The following ITGBL1 variants were observed in gnomAD, a reference collection of about 807,000 sequenced individuals.
The protein encoded by ITGBL1 is integrin beta-like protein 1.
Under a neutral mutation model 68.5 loss-of-function variants are expected in ITGBL1, and 51 were observed. The ratio of observed to expected loss-of-function variants is 0.74; its 90% confidence interval spans 0.59 to 0.94. ITGBL1 has a LOEUF of 0.94. Ranked by LOEUF, ITGBL1 falls within the 40% of genes least tolerant of loss-of-function variation. The probability of loss-of-function intolerance (pLI) is 0.00; values close to 1 mark genes in which losing one functional copy is unlikely to be tolerated. For synonymous variants in ITGBL1, 209 were observed against 227.3 expected, an observed-to-expected ratio of 0.92 and a Z score of 0.72; for missense variants, 649 against 647.4, an observed-to-expected ratio of 1.00 and a Z score of -0.03.
At chr13:101,673,440 A>G (rs1044375036) in intron 7 of ITGBL1, among the ~76,000 whole-genome samples, 1 of 152,192 alleles carries the variant, frequency 6.6e-6, no homozygotes, top group Non-Finnish European at 1.5e-5. Context: ...TAGATTCTCT[A>G]TTGGTTAAAT....
chr13:101,717,932 T>A (rs1397512175), downstream of ITGBL1: 2 of 152,158 alleles, frequency 1.3e-5, no homozygotes, highest in Non-Finnish European at 2.9e-5. Flanking sequence ...GCTGCTCTTT[T>A]TCATAGTCTC....
chr13:101,549,630 A>T (rs1566727448), intron 2 of ITGBL1, among the ~76,000 whole-genome samples: 2 of 152,042 alleles, frequency 1.3e-5, no homozygotes, highest in African/African-American at 4.8e-5. Flanking sequence ...TTCTAAGAAA[A>T]TTTTTTAAAA....
intron 6 of ITGBL1, among the ~76,000 whole-genome samples, chr13:101,586,783 A>G (rs1024870298): frequency 6.6e-6 from 1 of 152,210 alleles, no homozygotes; most frequent in African/African-American, 2.4e-5. Context: ...AATCTGGAGC[A>G]GACATCAACC....
chr13:101,575,443 G>T lies in ITGBL1; in HGVS notation c.483G>T (p.Arg161Ser). The stretch of plus-strand genomic sequence containing the variant: ...GTTTAGGTACATGTCACTGTGGCAG[G>T]TGTAAGTGTGATAATTCAGATGGAA... ...CSNAGTCHCG[R>S]CKCDNSDGSG... The change falls in exon 4 of 11, where the codon AGG becomes AGT. Residue 161 changes from arginine to serine, a missense_variant. Arg to Ser is a moderately radical substitution (Grantham distance 110). Transcript: ENST00000376180. 6.2e-7 allele frequency: 1 copy of T among 1,613,108 alleles called. No homozygotes were observed. The highest frequency in any genetic ancestry group is 8.5e-7 in the Non-Finnish European group (1 of 1,179,270).
intron 6 of ITGBL1, among the ~76,000 whole-genome samples, chr13:101,591,798 A>T (rs546221388): frequency 2.3e-3 from 345 of 152,258 alleles, no homozygotes; most frequent in African/African-American, 8.1e-3. Flanking sequence ...TTCTTCATGC[A>T]TTTTTGCAGC....
At chr13:101,556,470 C>G (rs2050008102) in intron 2 of ITGBL1, among the ~76,000 whole-genome samples, 2 of 152,096 alleles carry the variant, frequency 1.3e-5, no homozygotes, top group South Asian at 4.2e-4. Context: ...AACCCTGTCA[C>G]TACTAAAAAT....
At chr13:101,466,219 T>G (rs1037002014) in intron 2 of ITGBL1, among the ~76,000 whole-genome samples, 1 of 152,222 alleles carries the variant, frequency 6.6e-6, no homozygotes, top group Non-Finnish European at 1.5e-5. Flanking sequence ...CAAGGAATAT[T>G]AGTAATAGTA....
intron 2 of ITGBL1, among the ~76,000 whole-genome samples, chr13:101,458,829 T>C (rs901427404): frequency 3.3e-5 from 5 of 152,180 alleles, no homozygotes; most frequent in Admixed American, 6.5e-5. Flanking sequence ...AATCTGCCAA[T>C]GAGGAGCCCA....
intron 7 of ITGBL1, among the ~76,000 whole-genome samples, chr13:101,654,547 G>A (rs74550600): frequency 0.023 from 3,540 of 152,250 alleles, 129 homozygotes; most frequent in African/African-American, 0.08. Flanking sequence ...TTTGGTCTGA[G>A]TTACTGTCTG....
At chr13:101,508,225 T>C (rs915465269) in intron 2 of ITGBL1, among the ~76,000 whole-genome samples, 1 of 152,218 alleles carries the variant, frequency 6.6e-6, no homozygotes, top group Non-Finnish European at 1.5e-5. Context: ...CTTTCAATAC[T>C]GTATCCTCAG....
chr13:101,567,842 G>C lies in ITGBL1; in HGVS notation c.460G>C (p.Ala154Pro). Residue 154 changes from alanine to proline, a missense_variant, in exon 3 of 11, where the codon GCA becomes CCA. Coordinates refer to ENST00000376180, the MANE Select transcript of ITGBL1 (RefSeq NM_004791.3). ...KNSQDIICSNAGTCHCGRCKC... is the reference protein window; with the variant it reads ...KNSQDIICSNPGTCHCGRCKC... ...TTCACAAGACATCATCTGCTCTAAT[G>C]CAGGTAAGAAGTATACCCTGTGAAA... 6.2e-7 allele frequency: 1 copy of C among 1,612,422 alleles called. No homozygotes were observed. The highest frequency in any genetic ancestry group is 8.5e-7 in the Non-Finnish European group (1 of 1,179,000).
At chr13:101,511,232 G>C (rs996202738) in intron 2 of ITGBL1, among the ~76,000 whole-genome samples, 2 of 152,100 alleles carry the variant, frequency 1.3e-5, no homozygotes, top group Non-Finnish European at 2.9e-5. Flanking sequence ...AGTAGAAAGA[G>C]AGATGACTTT....
At chr13:101,692,910 G>A (rs1395891518) in intron 8 of ITGBL1, 12 of 520,052 alleles carry the variant, frequency 2.3e-5, no homozygotes, top group Admixed American at 6.9e-5. Flanking sequence ...GTGAAAGTAC[G>A]CAGTACACTA....
At chr13:101,458,470 TAG>T (rs1201536877) in intron 2 of ITGBL1, among the ~76,000 whole-genome samples, 7 of 152,194 alleles carry the variant, frequency 4.6e-5, no homozygotes, top group African/African-American at 1.7e-4. Context: ...GATCATATTG[TAG>T]AGAGTTTGTT....
rs114544511 is a variant in ITGBL1 at position 101,594,942 on chromosome 13, C to G, written c.869-3211C>G. On this transcript the variant is annotated intron_variant, in intron 6 of 10. Coordinates refer to ENST00000376180, the MANE Select transcript of ITGBL1 (RefSeq NM_004791.3). Reference sequence around the variant, plus strand: ...TACAAAAATTAGCCGGGCGTGTTGACGCACACCTGTAGTCCCAACTACTGG... The same window carrying G: ...TACAAAAATTAGCCGGGCGTGTTGAGGCACACCTGTAGTCCCAACTACTGG... 2.1e-3 allele frequency among the ~76,000 whole-genome samples: 324 copies of G among 152,196 alleles called. 2 individuals carry two copies. The highest frequency in any genetic ancestry group is 7.1e-3 in the African/African-American group (296 of 41,502).
rs558392581 is a variant in ITGBL1 at position 101,567,054 on chromosome 13, A to T, written c.317-645A>T. 1.2e-4 allele frequency among the ~76,000 whole-genome samples: 19 copies of T among 152,292 alleles called. No individual in the cohort carries two copies. In the East Asian group the frequency reaches 3.7e-3, roughly 29 times the overall value. On this transcript the variant is annotated intron_variant, in intron 2 of 10. Transcript: ENST00000376180. ...ATAAAAACATTAGTAGGCTTCATCA[A>T]GCAGGACTTAATAACATTACTGATC...
At chr13:101,601,600 G>T (rs530325045) in intron 7 of ITGBL1, among the ~76,000 whole-genome samples, 1 of 152,154 alleles carries the variant, frequency 6.6e-6, no homozygotes, top group Non-Finnish European at 1.5e-5. Flanking sequence ...TCTACACACT[G>T]CTTTGAATGT....
chr13:101,462,575 A>G (rs1011415709), intron 2 of ITGBL1, among the ~76,000 whole-genome samples: 5 of 151,810 alleles, frequency 3.3e-5, no homozygotes, highest in African/African-American at 1.2e-4. Flanking sequence ...GCTCTGGCCC[A>G]TCTTTTCCAT....
At chr13:101,593,725 C>G (rs1282675477) in intron 6 of ITGBL1, among the ~76,000 whole-genome samples, 1 of 151,890 alleles carries the variant, frequency 6.6e-6, no homozygotes, top group East Asian at 1.9e-4. Flanking sequence ...ATCATAGAAG[C>G]AGAGAGTTTA....
Sources: gnomAD v4.1 joint callset for allele counts (sites outside exome capture counted in the v4.1 genomes callset) on GRCh38, gnomAD v4.1.1 for gene constraint, MANE v1.5 for transcripts, NCBI Gene and HGNC (gene_info 2026-07-23, HGNC 2026-07-21) for gene names.